PLXNB3: variants seen among roughly 807,000 people sequenced by gnomAD.
The protein encoded by PLXNB3 is plexin B3.
PLXNB3 carries 80 observed loss-of-function variants against 125.7 expected under a neutral mutation model. That is an observed-to-expected ratio of 0.64 (90% CI 0.53 to 0.77). The LOEUF (loss-of-function observed/expected upper bound fraction) is 0.77, where lower values mean the gene tolerates loss of function less well. Among genes scored for constraint, PLXNB3 ranks in the 30% least tolerant of loss-of-function variants. The probability of loss-of-function intolerance (pLI) is 0.00; values close to 1 mark genes in which losing one functional copy is unlikely to be tolerated. For missense variants in PLXNB3, 1,836 were observed against 1,729.3 expected, an observed-to-expected ratio of 1.06 and a Z score of -1.09; for synonymous variants, 954 against 783.3, an observed-to-expected ratio of 1.22 and a Z score of -3.64.
Position 153,767,872 on chromosome X carries a change from G to T in PLXNB3, c.1045G>T (p.Val349Leu). The T allele has an allele frequency of 1.8e-6, 2 of 1,117,430 alleles. No homozygotes were observed. The highest frequency in any genetic ancestry group is 2.4e-6 in the Non-Finnish European group (2 of 850,765). 92.1% of individuals were successfully genotyped at this position (1,117,430 alleles called of 1,213,427 possible). ...RGPSGAEEATVEYGVTSRCVT... is the reference protein window; with the variant it reads ...RGPSGAEEATLEYGVTSRCVT... ...CCCCAGCGGCGCAGAGGAAGCCACC[G>T]TGGAGTACGGCGTCACGTCGCGCTG... Residue 349 changes from valine to leucine, a missense_variant, in exon 3 of 36, where the codon GTG becomes TTG. Physicochemically the swap from Val to Leu is conservative, Grantham distance 32 (BLOSUM62 1). Transcript: ENST00000361971.
chrX:153,772,053 C>T (rs782342414), intron 15 of PLXNB3, 38 bp downstream of exon 15: 30 of 1,162,050 alleles, frequency 2.6e-5, no homozygotes, highest in Non-Finnish European at 3.3e-5. Flanking sequence ...TGGGGAGGCC[C>T]TCAGAGATGG....
intron 16 of PLXNB3, chrX:153,772,626 G>A (rs2091944384): frequency 1.1e-6 from 1 of 879,888 alleles, no homozygotes; most frequent in African/African-American, 2.1e-5. Context: ...CTGTGGTGGG[G>A]AGGAGGCTGT....
intron 2 of PLXNB3, chrX:153,766,028 G>T: frequency 9.6e-7 from 1 of 1,039,907 alleles, no homozygotes; most frequent in African/African-American, 1.9e-5. Context: ...CTTCTCCTGG[G>T]ACACTCCTAC....
rs147082716 is a variant in PLXNB3 at position 153,770,535 on chromosome X, G to A, written c.1903G>A (p.Ala635Thr). 112 of 1,209,872 alleles carry A rather than the reference G, an allele frequency of 9.3e-5. No individual in the cohort carries two copies. The East Asian group carries it at 1.2e-3, about 12-fold the overall frequency. The change falls in exon 10 of 36, where the codon GCT (alanine) becomes ACT (threonine). Residue 635 changes from alanine to threonine, a missense_variant. Transcript: ENST00000361971. ...GCCACCCTGCCCCTCTAGGTGTCGC[G>A]CTTGCGTGGGCAGCATCTGGCGGTG... is the stretch of plus-strand genomic sequence containing the variant. Reference protein sequence around the residue: ...QALEAAAPCRACVGSIWRCHW... With the variant: ...QALEAAAPCRTCVGSIWRCHW...
intron 12 of PLXNB3, 98 bp from the exon 13 acceptor site, chrX:153,771,212 G>C (rs916341217): frequency 1.1e-6 from 1 of 934,672 alleles, no homozygotes; most frequent in Non-Finnish European, 1.5e-6. Context: ...GGGAGAGGCA[G>C]GGAACAATCA....
chrX:153,775,815 G>A (rs782477353), intron 26 of PLXNB3, 72 bp from the exon 27 acceptor site: 62 of 1,123,131 alleles, frequency 5.5e-5, no homozygotes, highest in Admixed American at 7.0e-5. Context: ...GGCTGGAGAC[G>A]AGGCAGAGGC....
Position 153,770,974 on chromosome X carries a change from G to A in PLXNB3, c.2146G>A (p.Ala716Thr), listed in dbSNP as rs782099950. 2 of 1,210,842 alleles carry A rather than the reference G, an allele frequency of 1.7e-6. No individual in the cohort carries two copies. Among genetic ancestry groups the A allele is most frequent in the Non-Finnish European group, 2.2e-6 (2 of 895,217 alleles). ...CAGCGTCCTTCCCCAGGGCCTGCCTGCCTCCTTCCACTGCTGGCTGGAGCT... is the reference window on the plus strand; with the variant it reads ...CAGCGTCCTTCCCCAGGGCCTGCCTACCTCCTTCCACTGCTGGCTGGAGCT... ...RNLQHFRGLP[A>T]SFHCWLELPG... Residue 716 changes from alanine (A) to threonine (T), a missense_variant, in exon 12 of 36, where the codon GCC becomes ACC. Transcript: ENST00000361971.
In PLXNB3 at chrX:153,770,932, C is replaced by T. The variant is rs375780381; in HGVS notation, c.2137-33C>T. ...ACAGGGCAGTGAGGTCTGCCAACAG[C>T]GTGTCCACACTCCTGACAGCGTCCT... is the stretch of plus-strand genomic sequence containing the variant. On this transcript the variant is annotated intron_variant, in intron 11 of 35. Transcript: ENST00000361971. The T allele has an allele frequency of 3.7e-5, 45 of 1,204,335 alleles. No individual in the cohort carries two copies. In the African/African-American group the frequency reaches 4.0e-4, roughly 11 times the overall value.
At chrX:153,770,491 G>C (rs781915569) in intron 9 of PLXNB3, 37 bp from the exon 10 acceptor site, 8 of 1,201,781 alleles carry the variant, frequency 6.7e-6, no homozygotes, top group South Asian at 3.6e-5. Context: ...GGCGACCCCA[G>C]AGGGCACTCA....
intron 12 of PLXNB3, 87 bp from the exon 13 acceptor site, chrX:153,771,223 C>T (rs782595929): frequency 1.1e-6 from 1 of 950,457 alleles, no homozygotes; most frequent in African/African-American, 1.9e-5. Context: ...GGAACAATCA[C>T]ATTCATTCTG....
At chrX:153,771,702 G>A in intron 14 of PLXNB3, 47 bp downstream of exon 14, 3 of 1,136,699 alleles carry the variant, frequency 2.6e-6, no homozygotes, top group Non-Finnish European at 2.3e-6. Context: ...CACTTCTCCT[G>A]CCCCGCACTG....
Position 153,774,775 on chromosome X carries a change from C to T in PLXNB3, c.3900C>T (p.Gly1300=), listed in dbSNP as rs781887588. Reference sequence around the variant, plus strand: ...TGCAGCTGGAGAGCCTGGAGACCGGCGTGGGAGACCAGTGCCGCAAGGAGT... The same window carrying T: ...TGCAGCTGGAGAGCCTGGAGACCGGTGTGGGAGACCAGTGCCGCAAGGAGT... ...VLVQLESLET[G]VGDQCRKEFT... is the part of the protein sequence containing the mutation. Residue 1300 remains glycine, a synonymous_variant, in exon 23 of 36, where the codon GGC becomes GGT. Coordinates refer to ENST00000361971, the MANE Select transcript of PLXNB3 (RefSeq NM_005393.3). 1.2e-5 allele frequency: 15 copies of T among 1,204,721 alleles called. No individual in the cohort carries two copies. The highest frequency in any genetic ancestry group is 2.3e-4 in the Middle Eastern group (1 of 4,321).
intron 1 of PLXNB3, 65 bp from the exon 2 acceptor site, chrX:153,765,406 G>A (rs1485042693): frequency 7.0e-6 from 6 of 856,666 alleles, no homozygotes; most frequent in Admixed American, 2.9e-5. Flanking sequence ...CACCCCCACC[G>A]CCGCCCCTCC....
chrX:153,767,488 C>T lies in PLXNB3; in HGVS notation c.661C>T (p.Arg221Cys), dbSNP rs149161688. Residue 221 changes from arginine to cysteine, a missense_variant, in exon 3 of 36, where the codon CGC (arginine) becomes TGC (cysteine). Arg to Cys is a radical substitution (Grantham distance 180). Coordinates refer to ENST00000361971, the MANE Select transcript of PLXNB3 (RefSeq NM_005393.3). Reference sequence around the variant, plus strand: ...GCCCTTCTCCAGCGAGGGCCTGGGCCGCCTGGTGGTGGGCGACTTCTCCGA... The same window carrying T: ...GCCCTTCTCCAGCGAGGGCCTGGGCTGCCTGGTGGTGGGCGACTTCTCCGA... ...SQPFSSEGLG[R>C]LVVGDFSDYN... 9.3e-6 allele frequency: 11 copies of T among 1,187,659 alleles called. No individual in the cohort carries two copies. Among genetic ancestry groups the T allele is most frequent in the Non-Finnish European group, 1.2e-5 (11 of 882,965 alleles).
intron 26 of PLXNB3, 62 bp from the exon 27 acceptor site, chrX:153,775,825 C>A (rs188873700): frequency 6.2e-6 from 7 of 1,132,096 alleles, no homozygotes; most frequent in Non-Finnish European, 7.2e-6. Flanking sequence ...GAGGCAGAGG[C>A]GAGAAGGGCT....
Position 153,775,589 on chromosome X carries a change from C to T in PLXNB3, c.4335-5C>T, listed in dbSNP as rs1458865776. The T allele has an allele frequency of 2.7e-5, 33 of 1,209,800 alleles. No homozygotes were observed. The highest frequency in any genetic ancestry group is 3.5e-5 in the South Asian group (2 of 56,992). ...AGGCCTGACCCTGTGGCCGGCTCCC[C>T]GCAGGACAGAGACCATGGTGGAGAA... On this transcript the variant is annotated splice_polypyrimidine_tract_variant and splice_region_variant and intron_variant, in intron 25 of 35. Transcript: ENST00000361971.
At chrX:153,770,060 A>G in intron 7 of PLXNB3, 32 bp from the exon 8 acceptor site, 1 of 1,205,159 alleles carries the variant, frequency 8.3e-7, no homozygotes. Context: ...CTCTCTGGCT[A>G]CATCTCCCGG....
chrX:153,769,745 GT>G, intron 6 of PLXNB3, 61 bp from the exon 7 acceptor site: 1 of 1,129,355 alleles, frequency 8.9e-7, no homozygotes, highest in East Asian at 3.2e-5. Context: ...CCAGGCCCCT[GT>G]TGCCGGTCAT....
chrX:153,767,941 T>C (rs1557059979), intron 3 of PLXNB3, 28 bp downstream of exon 3: 7 of 1,072,968 alleles, frequency 6.5e-6, no homozygotes, highest in South Asian at 2.4e-5. Flanking sequence ...CCATCCCCCC[T>C]CTCTGTGGAT....
Sources: gnomAD v4.1 joint callset for allele counts on GRCh38, gnomAD v4.1.1 for gene constraint, MANE v1.5 for transcripts, NCBI Gene and HGNC (gene_info 2026-07-23, HGNC 2026-07-21) for gene names.